PGAP3: variants seen among roughly 807,000 people sequenced by gnomAD.
PGAP3 encodes the protein GPI-specific phospholipase A2-like PGAP3.
In PGAP3, 31 loss-of-function variants were observed where a neutral mutation model predicts 40.3. The observed-to-expected ratio is 0.77, with a 90% confidence interval of 0.58 to 1.04. The LOEUF is 1.04. Ranked by LOEUF, PGAP3 falls within the 50% of genes least tolerant of loss-of-function variation. The pLI is 0.00. For missense variants in PGAP3, 413 were observed against 423.0 expected, an observed-to-expected ratio of 0.98 and a Z score of 0.21; for synonymous variants, 191 against 184.5, an observed-to-expected ratio of 1.04 and a Z score of -0.29.
chr17:39,678,241 AG>A (rs1324172640), intron 3 of PGAP3, among the ~76,000 whole-genome samples: 1 of 152,188 alleles, frequency 6.6e-6, no homozygotes, highest in African/African-American at 2.4e-5. Context: ...TGCTTAACAG[AG>A]GAAGAGAAGA....
Position 39,672,632 on chromosome 17 carries a change from G to A in PGAP3, c.*171C>T. 1.4e-6 allele frequency: 1 copy of A among 700,492 alleles called. No individual in the cohort carries two copies. The highest frequency in any genetic ancestry group is 2.4e-6 in the Non-Finnish European group (1 of 408,684). 43.4% of individuals were successfully genotyped at this position (700,492 alleles called of 1,614,324 possible). On this transcript the variant is annotated 3_prime_UTR_variant, in exon 8 of 8. Transcript: ENST00000300658. ...AGGCCTTCCCTAGAACAGACTCCAA[G>A]GCTGGTGAGGGCCAACAGGGGGTGG... is the stretch of plus-strand genomic sequence containing the variant.
At chr17:39,676,300 T>G (rs190115125) in intron 3 of PGAP3, among the ~76,000 whole-genome samples, 240 of 151,994 alleles carry the variant, frequency 1.6e-3, no homozygotes, top group Non-Finnish European at 2.5e-3. Flanking sequence ...GGAGCCAATG[T>G]GGGAAGGAGA....
chr17:39,684,173 CAG>C (rs1218575572), intron 3 of PGAP3, among the ~76,000 whole-genome samples: 76 of 142,312 alleles, frequency 5.3e-4, no homozygotes, highest in Middle Eastern at 7.8e-3. Flanking sequence ...GAGCTCTACA[CAG>C]AGACTATGGC....
intron 5 of PGAP3, 83 bp downstream of exon 5, chr17:39,673,910 G>A: frequency 6.7e-7 from 1 of 1,490,364 alleles, no homozygotes. Context: ...GACTAGTGAA[G>A]AAGGCCCCCA....
chr17:39,674,110 G>T, intron 4 of PGAP3, 56 bp from the exon 5 acceptor site: 1 of 1,556,906 alleles, frequency 6.4e-7, no homozygotes, highest in South Asian at 1.1e-5. Context: ...GAGAGGACCC[G>T]CGGGGATGGG....
intron 3 of PGAP3, among the ~76,000 whole-genome samples, chr17:39,681,160 C>T (rs2057435408): frequency 6.6e-6 from 1 of 152,144 alleles, no homozygotes; most frequent in African/African-American, 2.4e-5. Flanking sequence ...GCCACTGCGC[C>T]CGGCCTCCAT....
chr17:39,674,592 G>T (rs756319953), intron 4 of PGAP3, 25 bp downstream of exon 4: 4 of 1,545,982 alleles, frequency 2.6e-6, no homozygotes, highest in Non-Finnish European at 3.5e-6. Context: ...CCCTGTGCAG[G>T]AGGGGGAGCT....
chr17:39,679,592 G>A (rs143894880), intron 3 of PGAP3, among the ~76,000 whole-genome samples: 13 of 152,194 alleles, frequency 8.5e-5, no homozygotes, highest in African/African-American at 3.1e-4. Context: ...GCAGACAGGT[G>A]TAACGTCCTC....
chr17:39,682,711 C>A (rs1009993654), intron 3 of PGAP3, among the ~76,000 whole-genome samples: 2 of 152,168 alleles, frequency 1.3e-5, no homozygotes, highest in Admixed American at 1.3e-4. Flanking sequence ...CTGTTCTCTA[C>A]ACAGTAGCCA....
rs58205601 is a variant in PGAP3 at position 39,684,124 on chromosome 17, C to CAAA, written c.432+470_432+472dup. Among the ~76,000 whole-genome samples the CAAA allele has an allele frequency of 1.5e-3, 97 of 64,364 alleles. 15 individuals carry two copies. Among genetic ancestry groups the CAAA allele is most frequent in the African/African-American group, 6.9e-3 (80 of 11,584 alleles). The allele number at this position is 64,364 out of a possible 152,430, so 42.2% of individuals were successfully genotyped here. A position where few individuals can be genotyped will look rare whatever the true frequency, so the allele number is the denominator to read the frequency against. On this transcript the variant is annotated intron_variant, in intron 3 of 7. Transcript: ENST00000300658. ...TGGGTGACACAGTGAGACTCTGTCTCAAAAAAAAAAAAAAAAAAAAAAAAA... is the reference window on the plus strand; with the variant it reads ...TGGGTGACACAGTGAGACTCTGTCTCAAAAAAAAAAAAAAAAAAAAAAAAAAAA...
In PGAP3 at chr17:39,673,747, C is replaced by A; in HGVS notation, c.558-97G>T. On this transcript the variant is annotated intron_variant, in intron 5 of 7. Coordinates refer to ENST00000300658, the MANE Select transcript of PGAP3 (RefSeq NM_033419.5). ...CTCCCCCCAACATTGGTGCATGGCC[C>A]CTGAAGTCACTACCCCTCTCCCCAC... is the stretch of plus-strand genomic sequence containing the variant. 3.3e-6 allele frequency: 5 copies of A among 1,507,826 alleles called. No homozygotes were observed. The Admixed American group carries it at 7.2e-5, about 22-fold the overall frequency. 93.4% of individuals were successfully genotyped at this position (1,507,826 alleles called of 1,614,324 possible).
intron 3 of PGAP3, among the ~76,000 whole-genome samples, chr17:39,681,531 G>A (rs925617943): frequency 9.9e-5 from 15 of 151,788 alleles, no homozygotes; most frequent in African/African-American, 3.1e-4. Flanking sequence ...TTTCTGAGAC[G>A]GAGTTTCACT....
At chr17:39,675,049 C>T (rs1976292) in intron 3 of PGAP3, among the ~76,000 whole-genome samples, 5 of 37,784 alleles carry the variant, frequency 1.3e-4, no homozygotes, top group Non-Finnish European at 4.0e-4. Flanking sequence ...CACCACCCCA[C>T]CCGGGCCCAG....
At position 39,673,128 on chromosome 17, in the gene PGAP3, G is replaced by A; in HGVS notation, c.822C>T (p.Phe274=). Residue 274 remains phenylalanine, a synonymous_variant, in exon 7 of 8, where the codon TTC becomes TTT. Transcript: ENST00000300658. ...QGLSLLELLD[F]PPLFWVLDAH... The stretch of plus-strand genomic sequence containing the variant: ...CATCCAGGACCCAGAAGAGCGGTGG[G>A]AAGTCAAGCAGCTCGAGCAGGGACA... 1.2e-6 allele frequency: 2 copies of A among 1,607,064 alleles called. No individual in the cohort carries two copies. Among genetic ancestry groups the A allele is most frequent in the Non-Finnish European group, 1.7e-6 (2 of 1,177,252 alleles).
chr17:39,684,701 C>T lies in PGAP3; in HGVS notation c.328G>A (p.Ala110Thr). ...CTGGCCAGGCCATTGAGAAACGAGG[C>T]CACGGCCGATGCCGGCTCTTGAAAG... ...LFFQEPASAV[A>T]SFLNGLASLV... is the part of the protein sequence containing the mutation. The change falls in exon 3 of 8, where the codon GCC becomes ACC. Residue 110 changes from alanine (A) to threonine (T), a missense_variant. Coordinates refer to ENST00000300658, the MANE Select transcript of PGAP3 (RefSeq NM_033419.5). The T allele has an allele frequency of 6.2e-7, 1 of 1,613,546 alleles. No homozygotes were observed. Among genetic ancestry groups the T allele is most frequent in the East Asian group, 2.2e-5 (1 of 44,844 alleles).
chr17:39,687,941 C>T lies in PGAP3; in HGVS notation c.74G>A (p.Arg25His). ...TACGCAGTCGCGGTACACCGGCTCA[C>T]GGTCGCCCTGGGAGCCGCTCGCCAG... is the stretch of plus-strand genomic sequence containing the variant. ...AALASGSQGD[R>H]EPVYRDCVLQ... The change falls in exon 1 of 8, where the codon CGT becomes CAT. Residue 25 changes from arginine (R) to histidine (H), a missense_variant. Physicochemically the swap from Arg to His is conservative, Grantham distance 29. Coordinates refer to ENST00000300658, the MANE Select transcript of PGAP3 (RefSeq NM_033419.5). The T allele has an allele frequency of 6.7e-7, 1 of 1,484,358 alleles. No homozygotes were observed. Among genetic ancestry groups the T allele is most frequent in the Non-Finnish European group, 9.1e-7 (1 of 1,103,418 alleles). 91.9% of individuals were successfully genotyped at this position (1,484,358 alleles called of 1,614,324 possible).
rs1347177610 is a variant in PGAP3 at position 39,673,669 on chromosome 17, T to C, written c.558-19A>G. The C allele has an allele frequency of 2.5e-6, 4 of 1,612,566 alleles. No homozygotes were observed. The East Asian group carries it at 8.9e-5, about 36-fold the overall frequency. ...CACGGTCCTGCCCCACCGTCCAGGG[T>C]TGCTCAGAGGGCAGGTGGCCCATCC... On this transcript the variant is annotated intron_variant, in intron 5 of 7. Transcript: ENST00000300658.
intron 7 of PGAP3, 90 bp downstream of exon 7, chr17:39,672,961 G>A (rs1275406726): frequency 8.9e-6 from 14 of 1,573,396 alleles, no homozygotes; most frequent in Admixed American, 3.6e-5. Flanking sequence ...GGGAGGGGGC[G>A]GATGGGCACA....
At chr17:39,677,104 C>A (rs1295799219) in intron 3 of PGAP3, among the ~76,000 whole-genome samples, 3 of 152,174 alleles carry the variant, frequency 2.0e-5, no homozygotes, top group Non-Finnish European at 4.4e-5. Context: ...GACACATAAC[C>A]CAGTATGTGT....
Sources: allele counts gnomAD v4.1 joint callset (sites outside exome capture counted in the v4.1 genomes callset), GRCh38; gene constraint gnomAD v4.1.1; transcripts MANE v1.5; gene names NCBI Gene and HGNC (gene_info 2026-07-23, HGNC 2026-07-21).